Variants in KCNIP1 observed in about 807,000 individuals in gnomAD.
KCNIP1 encodes A-type potassium channel modulatory protein KCNIP1.
In KCNIP1, 18 loss-of-function variants were observed where a neutral mutation model predicts 33.0. That is an observed-to-expected ratio of 0.55 (90% CI 0.38 to 0.81). The LOEUF (loss-of-function observed/expected upper bound fraction) is 0.81, where lower values mean the gene tolerates loss of function less well. Among genes scored for constraint, KCNIP1 ranks in the 30% least tolerant of loss-of-function variants. The pLI is 0.00. For synonymous variants in KCNIP1, 93 were observed against 98.3 expected (o/e 0.95, Z 0.32); for missense variants, 238 against 271.6 (o/e 0.88, Z 0.87).
chr5:170,687,186 T>C (rs910404487), intron 1 of KCNIP1, among the ~76,000 whole-genome samples: 2 of 102,872 alleles, frequency 1.9e-5, no homozygotes, highest in Admixed American at 8.5e-5. Context: ...CCTGAGTAAA[T>C]TTTTTTTTTT....
At chr5:170,452,511 G>C (rs1177117113) in intron 1 of KCNIP1, among the ~76,000 whole-genome samples, 1 of 152,164 alleles carries the variant, frequency 6.6e-6, no homozygotes, top group Non-Finnish European at 1.5e-5. Context: ...AGGGATGTTA[G>C]GCCAGCCTTG....
chr5:170,415,686 C>G (rs1755309092), intron 1 of KCNIP1, among the ~76,000 whole-genome samples: 1 of 152,236 alleles, frequency 6.6e-6, no homozygotes, highest in African/African-American at 2.4e-5. Context: ...TCCCTGGTGT[C>G]TCTCTCGTTT....
At chr5:170,638,242 C>A (rs1404680863) in intron 1 of KCNIP1, among the ~76,000 whole-genome samples, 1 of 152,052 alleles carries the variant, frequency 6.6e-6, no homozygotes, top group African/African-American at 2.4e-5. Flanking sequence ...AGGTTCCAGT[C>A]CCTGCCACCG....
intron 1 of KCNIP1, among the ~76,000 whole-genome samples, chr5:170,649,492 T>C (rs1399254762): frequency 6.6e-6 from 1 of 152,152 alleles, no homozygotes; most frequent in African/African-American, 2.4e-5. Context: ...CCAGCCATGC[T>C]CTGCTCCCCA....
chr5:170,362,455 AG>A (rs1763539577), intron 1 of KCNIP1, among the ~76,000 whole-genome samples: 1 of 152,212 alleles, frequency 6.6e-6, no homozygotes, highest in Non-Finnish European at 1.5e-5. Flanking sequence ...TGACTGAGGA[AG>A]TGCAATTGAG....
chr5:170,504,356 G>C lies in KCNIP1; in HGVS notation c.-217G>C, dbSNP rs1754620374. ...GGAAGCGGTTCCGAAGGCTCGCGGG[G>C]AGCGGCTAGCCCTGAGTCCCTGCAT... On this transcript the variant is annotated 5_prime_UTR_variant, in exon 1 of 8. Coordinates refer to ENST00000328939, the MANE Select transcript of KCNIP1 (RefSeq NM_014592.4). The surrounding 1 kb of genome is among the most constrained non-coding windows in gnomAD (Gnocchi z 6.0). 7.2e-7 allele frequency: 1 copy of C among 1,396,900 alleles called. No homozygotes were observed. The highest frequency in any genetic ancestry group is 1.6e-5 in the South Asian group (1 of 61,398). 86.5% of individuals were successfully genotyped at this position (1,396,900 alleles called of 1,614,324 possible).
intron 1 of KCNIP1, among the ~76,000 whole-genome samples, chr5:170,508,193 C>T (rs1010951340): frequency 2.0e-5 from 3 of 152,112 alleles, no homozygotes; most frequent in Non-Finnish European, 2.9e-5. Context: ...CCTCCATGAC[C>T]GAGTGCAAGC....
At chr5:170,574,411 G>C (rs1394823649) in intron 1 of KCNIP1, among the ~76,000 whole-genome samples, 1 of 152,210 alleles carries the variant, frequency 6.6e-6, no homozygotes, top group Non-Finnish European at 1.5e-5. Context: ...ATTTACCCAA[G>C]TTTGGTGAAT....
chr5:170,365,487 A>G lies in KCNIP1; in HGVS notation c.88+11523A>G, dbSNP rs568616821. On this transcript the variant is annotated intron_variant, in intron 1 of 7. Transcript: ENST00000377360. ...CTGGAGCTGGCGGGCCATTTGGTTC[A>G]TCTTTGATTTGTTCTTGCCATGGAG... Among the ~76,000 whole-genome samples the G allele has an allele frequency of 4.6e-5, 7 of 152,276 alleles. No individual in the cohort carries two copies. The South Asian group carries it at 1.5e-3, about 32-fold the overall frequency.
At chr5:170,624,738 GGGA>G (rs1759754587) in intron 1 of KCNIP1, among the ~76,000 whole-genome samples, 3 of 116,874 alleles carry the variant, frequency 2.6e-5, no homozygotes, top group Admixed American at 8.4e-5. Context: ...GAGGTGGGGG[GGGA>G]GAGGGGAGGG....
intron 1 of KCNIP1, among the ~76,000 whole-genome samples, chr5:170,493,795 C>G (rs1376279375): frequency 6.6e-6 from 1 of 152,200 alleles, no homozygotes; most frequent in Non-Finnish European, 1.5e-5. Flanking sequence ...CCCCACTCTT[C>G]CTTCCCCAGG....
intron 1 of KCNIP1, among the ~76,000 whole-genome samples, chr5:170,427,254 C>T (rs1205250944): frequency 5.9e-5 from 9 of 152,198 alleles, no homozygotes; most frequent in African/African-American, 1.4e-4. Flanking sequence ...TTAGGACTAT[C>T]GACCAGAACC....
At chr5:170,652,521 A>G (rs888729297) in intron 1 of KCNIP1, among the ~76,000 whole-genome samples, 6 of 113,466 alleles carry the variant, frequency 5.3e-5, no homozygotes, top group Admixed American at 9.1e-5. Flanking sequence ...AAGGAAGGAG[A>G]AAAGAAAAAA....
intron 1 of KCNIP1, among the ~76,000 whole-genome samples, chr5:170,700,102 A>C (rs1279176809): frequency 6.6e-6 from 1 of 151,888 alleles, no homozygotes; most frequent in African/African-American, 2.4e-5. Flanking sequence ...GCCTCCAGAC[A>C]CACCTGCCTC....
At chr5:170,625,281 C>T (rs971308174) in intron 1 of KCNIP1, among the ~76,000 whole-genome samples, 9 of 152,250 alleles carry the variant, frequency 5.9e-5, no homozygotes, top group Non-Finnish European at 1.2e-4. Flanking sequence ...CTAGTTGGTA[C>T]CTGAGGCTGC....
At chr5:170,582,605 A>G (rs1371643520) in intron 1 of KCNIP1, among the ~76,000 whole-genome samples, 1 of 152,178 alleles carries the variant, frequency 6.6e-6, no homozygotes, top group Non-Finnish European at 1.5e-5. Context: ...GGTCTGAGGC[A>G]GATTTTTGGA....
intron 1 of KCNIP1, among the ~76,000 whole-genome samples, chr5:170,512,128 C>T (rs183853048): frequency 2.0e-5 from 3 of 152,326 alleles, no homozygotes. Flanking sequence ...TAGGATTAAA[C>T]ATCTCTCCTC....
At chr5:170,659,018 G>T (rs1027653729) in intron 1 of KCNIP1, among the ~76,000 whole-genome samples, 2 of 152,122 alleles carry the variant, frequency 1.3e-5, no homozygotes, top group African/African-American at 4.8e-5. Flanking sequence ...TTGTCCCCGG[G>T]CCCAGCATCA....
intron 1 of KCNIP1, among the ~76,000 whole-genome samples, chr5:170,575,400 A>G (rs1757565335): frequency 6.6e-6 from 1 of 152,222 alleles, no homozygotes; most frequent in Non-Finnish European, 1.5e-5. Flanking sequence ...CAATTGTATT[A>G]TATCTTTAAA....
Sources: gnomAD v4.1 joint callset for allele counts (sites outside exome capture counted in the v4.1 genomes callset) on GRCh38, gnomAD v4.1.1 for gene constraint, Gnocchi (gnomAD v3.1) non-coding constraint, MANE v1.5 for transcripts, NCBI Gene and HGNC (gene_info 2026-07-23, HGNC 2026-07-21) for gene names.